ZNF423: variants seen among roughly 807,000 people sequenced by gnomAD.
ZNF423 encodes the protein zinc finger protein 423.
A neutral mutation model predicts 95.8 loss-of-function variants in ZNF423; 12 were observed. The observed-to-expected ratio is 0.13, with a 90% CI of 0.08 to 0.20. The LOEUF is 0.20. ZNF423 is among the 10% of genes least tolerant of loss of function. The pLI is 1.00. For missense variants in ZNF423, 1,316 were observed against 1,737.1 expected, an observed-to-expected ratio of 0.76 and a Z score of 4.31; for synonymous variants, 749 against 711.9, an observed-to-expected ratio of 1.05 and a Z score of -0.83.
intron 4 of ZNF423, among the ~76,000 whole-genome samples, chr16:49,631,175 C>T (rs758527145): frequency 9.9e-5 from 15 of 152,202 alleles, no homozygotes; most frequent in Non-Finnish European, 2.2e-4. Flanking sequence ...CCCCAGTACA[C>T]ACACCGGTAC....
chr16:49,591,328 T>C (rs1264813502), intron 5 of ZNF423, among the ~76,000 whole-genome samples: 2 of 151,312 alleles, frequency 1.3e-5, no homozygotes, highest in Admixed American at 1.3e-4. Flanking sequence ...TAAACATAAG[T>C]GTGCAAAATA....
chr16:49,552,400 G>A (rs1238584629), intron 5 of ZNF423, among the ~76,000 whole-genome samples: 3 of 152,158 alleles, frequency 2.0e-5, no homozygotes, highest in African/African-American at 4.8e-5. Flanking sequence ...GGTGGGCCAG[G>A]AGCAATTTTC....
intron 3 of ZNF423, among the ~76,000 whole-genome samples, chr16:49,686,831 C>A (rs548494013): frequency 1.6e-5 from 1 of 61,528 alleles, no homozygotes; most frequent in East Asian, 3.8e-4. Flanking sequence ...GCCCCGCCAG[C>A]CTGTACCCAT....
chr16:49,754,327 C>A (rs890727051), intron 2 of ZNF423, among the ~76,000 whole-genome samples: 6 of 152,204 alleles, frequency 3.9e-5, no homozygotes, highest in African/African-American at 9.7e-5. Context: ...ATTGATTAAT[C>A]CCCGATGCCT....
At chr16:49,565,157 C>A (rs529402765) in intron 5 of ZNF423, among the ~76,000 whole-genome samples, 9 of 152,266 alleles carry the variant, frequency 5.9e-5, no homozygotes, top group African/African-American at 2.2e-4. Context: ...CTGCTGTAAG[C>A]TAGCTGAAAA....
intron 3 of ZNF423, among the ~76,000 whole-genome samples, chr16:49,694,941 T>C (rs536333081): frequency 2.0e-5 from 3 of 152,350 alleles, no homozygotes; most frequent in Admixed American, 1.3e-4. Context: ...CAAATACTTG[T>C]CCACCTAGTG....
chr16:49,800,781 G>T (rs1597021163), intron 1 of ZNF423, among the ~76,000 whole-genome samples: 1 of 152,270 alleles, frequency 6.6e-6, no homozygotes, highest in South Asian at 2.1e-4. Flanking sequence ...CAAAGCCCCA[G>T]GGAGCCACAG....
intron 1 of ZNF423, among the ~76,000 whole-genome samples, chr16:49,823,421 G>A (rs961488012): frequency 6.6e-6 from 1 of 152,292 alleles, no homozygotes; most frequent in Middle Eastern, 3.4e-3. Flanking sequence ...CTGCATCACA[G>A]GCAAGGAAAC....
chr16:49,731,710 C>A lies in ZNF423; in HGVS notation c.101-739G>T, dbSNP rs146264353. Among the ~76,000 whole-genome samples, 659 of 152,050 alleles carry A rather than the reference C, an allele frequency of 4.3e-3. 4 individuals carry two copies. The highest frequency in any genetic ancestry group is 0.015 in the African/African-American group (632 of 41,452). On this transcript the variant is annotated intron_variant, in intron 2 of 7. Coordinates refer to ENST00000563137, the MANE Select transcript of ZNF423 (RefSeq NM_001379286.1). ...TAGTGGTGTGTGCCTGTAGTTCTAC[C>A]TACTCAGGAGGATTGCTAGAGACCA...
At chr16:49,588,943 A>C (rs1970924445) in intron 5 of ZNF423, among the ~76,000 whole-genome samples, 2 of 152,228 alleles carry the variant, frequency 1.3e-5, no homozygotes, top group South Asian at 4.1e-4. Context: ...CAGAACTGGA[A>C]GGAGCTGTGA....
chr16:49,741,190 CCTG>C (rs1229884670), intron 2 of ZNF423, among the ~76,000 whole-genome samples: 1 of 126,068 alleles, frequency 7.9e-6, no homozygotes, highest in Non-Finnish European at 1.7e-5. Flanking sequence ...TGCAAACACA[CCTG>C]CTGCTTTTTT....
intron 3 of ZNF423, among the ~76,000 whole-genome samples, chr16:49,652,076 G>C (rs764416987): frequency 1.3e-5 from 2 of 152,082 alleles, no homozygotes; most frequent in African/African-American, 4.8e-5. Flanking sequence ...CTAAGGTACT[G>C]GGAGCCATCC....
At chr16:49,764,923 T>TC (rs1456887400) in intron 2 of ZNF423, among the ~76,000 whole-genome samples, 1 of 151,086 alleles carries the variant, frequency 6.6e-6, no homozygotes, top group African/African-American at 2.4e-5. Context: ...AATTTTTTTT[T>TC]TTTTTTTGTA....
At chr16:49,849,913 C>A (rs578172760) in intron 1 of ZNF423, among the ~76,000 whole-genome samples, 29 of 152,274 alleles carry the variant, frequency 1.9e-4, no homozygotes, top group Middle Eastern at 3.4e-3. Context: ...CCGCTGTCAG[C>A]GAGGGCTGAC....
chr16:49,598,511 T>G (rs1971253419), intron 5 of ZNF423, among the ~76,000 whole-genome samples: 1 of 152,172 alleles, frequency 6.6e-6, no homozygotes, highest in South Asian at 2.1e-4. Flanking sequence ...AAAACCTGTG[T>G]AGAGGAGAAA....
intron 3 of ZNF423, 114 bp downstream of exon 3, chr16:49,730,657 T>A (rs997238473): frequency 8.7e-7 from 1 of 1,144,314 alleles, no homozygotes; most frequent in African/African-American, 1.5e-5. Flanking sequence ...TAAAATGACA[T>A]TAACTGTAAA....
chr16:49,715,095 C>T lies in ZNF423; in HGVS notation c.301+15676G>A, dbSNP rs530887819. Among the ~76,000 whole-genome samples the T allele has an allele frequency of 2.6e-5, 4 of 152,344 alleles. No individual in the cohort carries two copies. In the East Asian group the frequency reaches 5.8e-4, roughly 22 times the overall value. ...TGAGTAAGTATTCCCTGAGCATTTA[C>T]TATGCACCAGGTCTGCCACAAGGCC... On this transcript the variant is annotated intron_variant, in intron 3 of 7. Coordinates refer to ENST00000563137, the MANE Select transcript of ZNF423 (RefSeq NM_001379286.1).
At chr16:49,617,097 G>T (rs1253301394) in intron 5 of ZNF423, among the ~76,000 whole-genome samples, 1 of 152,134 alleles carries the variant, frequency 6.6e-6, no homozygotes, top group Admixed American at 6.5e-5. Context: ...CACTGCTGGG[G>T]GGCAGACACC....
At chr16:49,742,481 C>T (rs770302921) in intron 2 of ZNF423, among the ~76,000 whole-genome samples, 1 of 152,164 alleles carries the variant, frequency 6.6e-6, no homozygotes, top group African/African-American at 2.4e-5. Context: ...GATCTCGCCG[C>T]GTGCAGTAAT....
Sources: allele counts gnomAD v4.1 joint callset (sites outside exome capture counted in the v4.1 genomes callset), GRCh38; gene constraint gnomAD v4.1.1; transcripts MANE v1.5; gene names NCBI Gene and HGNC (gene_info 2026-07-23, HGNC 2026-07-21).